Variants in TENM2 observed in about 807,000 individuals in gnomAD.
TENM2 encodes the protein teneurin transmembrane protein 2.
In TENM2, 52 loss-of-function variants were observed where a neutral mutation model predicts 245.2. The ratio of observed to expected loss-of-function variants is 0.21; its 90% CI spans 0.17 to 0.27. The LOEUF (loss-of-function observed/expected upper bound fraction) is 0.27, where lower values mean the gene tolerates loss of function less well. TENM2 is among the 10% of genes least tolerant of loss of function. TENM2 has a pLI of 1.00. For missense variants in TENM2, 3,046 were observed against 3,666.8 expected (o/e 0.83, Z 4.37); for synonymous variants, 1,363 against 1,438.9 (o/e 0.95, Z 1.19).
chr5:167,418,848 G>A (rs991706401), intron 2 of TENM2, among the ~76,000 whole-genome samples: 2 of 151,976 alleles, frequency 1.3e-5, no homozygotes, highest in South Asian at 2.1e-4. Flanking sequence ...GTTGAGGTGC[G>A]GGAATTACAT....
intron 10 of TENM2, 124 bp from the exon 13 acceptor site, chr5:168,124,726 G>T: frequency 1.2e-6 from 1 of 855,138 alleles, no homozygotes; most frequent in Non-Finnish European, 1.8e-6. Context: ...TACTCCATTT[G>T]CTAGCAAGTG....
the TENM2 span, among the ~76,000 whole-genome samples, chr5:167,153,077 C>A: frequency 1.0e-3 from 157 of 150,122 alleles, 2 homozygotes; most frequent in Middle Eastern, 3.4e-3. Flanking sequence ...CCTGAACTGG[C>A]CATCACAATC....
At chr5:167,040,211 C>G in the TENM2 span, among the ~76,000 whole-genome samples, 1 of 151,992 alleles carries the variant, frequency 6.6e-6, no homozygotes, top group African/African-American at 2.4e-5. Flanking sequence ...AATGGTGTTC[C>G]TGACCCTAGT....
chr5:167,832,864 C>T (rs779712415), intron 2 of TENM2, among the ~76,000 whole-genome samples: 1 of 142,208 alleles, frequency 7.0e-6, no homozygotes, highest in South Asian at 2.5e-4. Flanking sequence ...TCTTAACTTA[C>T]AATTGTAGAT....
At chr5:167,799,809 T>G (rs1765577083) in intron 2 of TENM2, among the ~76,000 whole-genome samples, 1 of 152,190 alleles carries the variant, frequency 6.6e-6, no homozygotes, top group South Asian at 2.1e-4. Context: ...CTATCCCCAG[T>G]CTAAATACAT....
intron 2 of TENM2, among the ~76,000 whole-genome samples, chr5:167,841,787 T>G (rs1157588671): frequency 6.6e-6 from 1 of 152,196 alleles, no homozygotes; most frequent in East Asian, 1.9e-4. Flanking sequence ...CATATTGCAT[T>G]TAGTTATCTT....
At chr5:168,152,279 C>G (rs1756718530) in intron 12 of TENM2, among the ~76,000 whole-genome samples, 2 of 152,164 alleles carry the variant, frequency 1.3e-5, no homozygotes, top group Non-Finnish European at 2.9e-5. Context: ...GAATTTCATC[C>G]TGGGGCAGAT....
At chr5:167,925,902 A>T (rs1012113919) in intron 3 of TENM2, among the ~76,000 whole-genome samples, 1 of 152,216 alleles carries the variant, frequency 6.6e-6, no homozygotes, top group African/African-American at 2.4e-5. Context: ...GAGCTAAATG[A>T]TAAGAACTTA....
At chr5:167,427,826 G>GGGAAGGAAGGAA (rs1763957199) in intron 2 of TENM2, among the ~76,000 whole-genome samples, 1 of 135,276 alleles carries the variant, frequency 7.4e-6, no homozygotes, top group Non-Finnish European at 1.6e-5. Context: ...AGGGAAGGAA[G>GGGAAGGAAGGAA]GGACGGGAGG....
the TENM2 span, among the ~76,000 whole-genome samples, chr5:167,260,570 G>A: frequency 6.6e-6 from 1 of 152,140 alleles, no homozygotes; most frequent in South Asian, 2.1e-4. Context: ...TAATTTAAAT[G>A]TCTTCTAGCT....
chr5:168,001,040 A>G (rs964665397), intron 5 of TENM2, among the ~76,000 whole-genome samples: 6 of 152,214 alleles, frequency 3.9e-5, no homozygotes, highest in Admixed American at 2.6e-4. Context: ...GTAGGCAATC[A>G]GTACATATTT....
intron 27 of TENM2, among the ~76,000 whole-genome samples, chr5:168,251,576 A>T (rs1288067743): frequency 6.6e-6 from 1 of 152,148 alleles, no homozygotes; most frequent in Non-Finnish European, 1.5e-5. Flanking sequence ...CCAAGTGGAG[A>T]ACACCAAATC....
At chr5:168,149,216 G>T (rs1340614985) in intron 12 of TENM2, among the ~76,000 whole-genome samples, 1 of 152,138 alleles carries the variant, frequency 6.6e-6, no homozygotes, top group East Asian at 1.9e-4. Flanking sequence ...GTGACTCAAT[G>T]GTTCTCTCCG....
At chr5:167,464,136 C>G (rs545474312) in intron 2 of TENM2, among the ~76,000 whole-genome samples, 1 of 152,246 alleles carries the variant, frequency 6.6e-6, no homozygotes, top group Admixed American at 6.5e-5. Flanking sequence ...GATTTAATTG[C>G]TGACTCAGAG....
At chr5:167,099,240 T>C in the TENM2 span, among the ~76,000 whole-genome samples, 1 of 152,204 alleles carries the variant, frequency 6.6e-6, no homozygotes. Flanking sequence ...TTTAGGGCTT[T>C]GGTGAGATCA....
chr5:167,847,015 G>A (rs1770106182), intron 2 of TENM2, among the ~76,000 whole-genome samples: 1 of 152,134 alleles, frequency 6.6e-6, no homozygotes, highest in African/African-American at 2.4e-5. Context: ...GGAGTGTAGT[G>A]GTGTGATCAA....
chr5:167,990,001 T>C (rs145990837), intron 4 of TENM2, among the ~76,000 whole-genome samples: 2 of 152,284 alleles, frequency 1.3e-5, no homozygotes, highest in East Asian at 1.9e-4. Flanking sequence ...GACCTAGAAA[T>C]TGGCAAGATC....
chr5:167,017,626 T>C, the TENM2 span, among the ~76,000 whole-genome samples: 7 of 152,230 alleles, frequency 4.6e-5, no homozygotes, highest in African/African-American at 1.7e-4. Context: ...TTTTACTATA[T>C]ATTTCCAACC....
intron 3 of TENM2, among the ~76,000 whole-genome samples, chr5:167,922,338 A>G (rs1275756907): frequency 1.3e-5 from 2 of 152,162 alleles, no homozygotes; most frequent in Non-Finnish European, 2.9e-5. Context: ...GTCTTGAGCA[A>G]CATCCTCCAA....
Sources: allele counts gnomAD v4.1 joint callset (sites outside exome capture counted in the v4.1 genomes callset), GRCh38; gene constraint gnomAD v4.1.1; transcripts MANE v1.5; gene names NCBI Gene and HGNC (gene_info 2026-07-23, HGNC 2026-07-21).